PDC: variants seen among roughly 807,000 people sequenced by gnomAD.
PDC encodes the protein 33 kDa phototransducing protein.
Under a neutral mutation model 22.2 loss-of-function variants are expected in PDC, and 19 were observed. The ratio of observed to expected loss-of-function variants is 0.86; its 90% CI spans 0.60 to 1.26. The LOEUF (loss-of-function observed/expected upper bound fraction) is 1.26. Ranked by LOEUF, PDC falls within the 50% of genes most tolerant of loss-of-function variation. The pLI, the probability that PDC is intolerant of heterozygous loss-of-function variation, is 0.00. For synonymous variants in PDC, 97 were observed against 96.2 expected (o/e 1.01, Z -0.05); for missense variants, 274 against 286.8 (o/e 0.96, Z 0.32).
intron 1 of PDC, among the ~76,000 whole-genome samples, chr1:186,456,654 A>C (rs10911866): frequency 0.2 from 31,112 of 152,100 alleles, 4,586 homozygotes; most frequent in African/African-American, 0.42. Flanking sequence ...AATAAACAAT[A>C]TTTTTTCTTT....
chr1:186,444,048 A>G lies in PDC; in HGVS notation c.672T>C (p.Tyr224=). ...AGDVESFLNE[Y]GLLPEREVHV... ...GTACCTCTCTTTCAGGTAGTAACCCATATTCATTTAGGAAAGACTCCACAT... is the reference window on the plus strand; with the variant it reads ...GTACCTCTCTTTCAGGTAGTAACCCGTATTCATTTAGGAAAGACTCCACAT... Residue 224 remains tyrosine, a synonymous_variant, in exon 4 of 4, where the codon TAT becomes TAC. Transcript: ENST00000391997. 8.1e-6 allele frequency: 13 copies of G among 1,612,514 alleles called. No homozygotes were observed. The highest frequency in any genetic ancestry group is 1.1e-5 in the Non-Finnish European group (13 of 1,178,544).
At position 186,444,483 on chromosome 1, in the gene PDC, T is replaced by C; in HGVS notation, c.237A>G (p.Leu79=). 1 of 1,599,832 alleles carries C rather than the reference T, an allele frequency of 6.3e-7. No individual in the cohort carries two copies. The highest frequency in any genetic ancestry group is 8.6e-7 in the Non-Finnish European group (1 of 1,168,780). Residue 79 remains leucine, a synonymous_variant, in exon 4 of 4, where the codon CTA becomes CTG. Transcript: ENST00000391997. ...SRKMSIQEYE[L]IHKEKEDENC... ...TTTCATCCTCTTTCTCTTTATGGAT[T>C]AGTTCATATTCTTGAATGCTCATCT...
intron 1 of PDC, among the ~76,000 whole-genome samples, chr1:186,460,541 A>C (rs912619968): frequency 6.6e-6 from 1 of 152,228 alleles, no homozygotes; most frequent in African/African-American, 2.4e-5. Context: ...TTTATAAATT[A>C]AACTTTATCA....
rs149357645 is a variant in PDC, at chr1:186,454,280, G to C, written c.-24-4797C>G. On this transcript the variant is annotated intron_variant, in intron 1 of 3. Coordinates refer to ENST00000391997, the MANE Select transcript of PDC (RefSeq NM_002597.5). ...TTCTGCCTCCCGGGTCCCTGTTCAA[G>C]CAATTCTCCTGCCTCAGCCTCCCAA... is the stretch of plus-strand genomic sequence containing the variant. Among the ~76,000 whole-genome samples the C allele has an allele frequency of 6.0e-3, 878 of 146,284 alleles. 6 individuals are homozygous for C. The highest frequency in any genetic ancestry group is 0.021 in the African/African-American group (830 of 39,474).
At chr1:186,459,138 G>A (rs1165963350) in intron 1 of PDC, among the ~76,000 whole-genome samples, 2 of 152,088 alleles carry the variant, frequency 1.3e-5, no homozygotes, top group African/African-American at 4.8e-5. Context: ...CTCCAGCCTG[G>A]GGGACAGAAT....
At chr1:186,460,991 T>C (rs1252821872) in intron 1 of PDC, 68 bp downstream of exon 1, 1 of 154,684 alleles carries the variant, frequency 6.5e-6, no homozygotes, top group Non-Finnish European at 1.5e-5. Flanking sequence ...AAACAGTGAA[T>C]CACCATTCTT....
In PDC at chr1:186,449,476, GATATAATCT is replaced by G. The variant is rs756049792; in HGVS notation, c.-24-2_-18del. 24 of 1,528,406 alleles carry G rather than the reference GATATAATCT, an allele frequency of 1.6e-5. No individual in the cohort carries two copies. The highest frequency in any genetic ancestry group is 2.2e-5 in the Non-Finnish European group (24 of 1,106,246). 94.7% of individuals were successfully genotyped at this position (1,528,406 alleles called of 1,614,324 possible). On this transcript the variant is annotated splice_acceptor_variant and 5_prime_UTR_variant, in exon 2 of 4. Transcript: ENST00000391997. LOFTEE classifies it low-confidence loss of function (5UTR_SPLICE). ...TTCTTCCATTTTAGGGACTGGATTTGATATAATCTATAGGAGGAACAAAGAAATAATAAT... is the reference window on the plus strand; with the variant it reads ...TTCTTCCATTTTAGGGACTGGATTTGATAGGAGGAACAAAGAAATAATAAT...
At chr1:186,459,112 A>G (rs190503341) in intron 1 of PDC, among the ~76,000 whole-genome samples, 1 of 152,316 alleles carries the variant, frequency 6.6e-6, no homozygotes, top group African/African-American at 2.4e-5. Context: ...CAGTGAGCCG[A>G]CATCTCGCCA....
At chr1:186,457,390 G>A (rs971252465) in intron 1 of PDC, among the ~76,000 whole-genome samples, 1 of 152,056 alleles carries the variant, frequency 6.6e-6, no homozygotes, top group African/African-American at 2.4e-5. Context: ...GGGATTTTAT[G>A]CCTCATAACA....
chr1:186,449,915 CTA>C (rs1293486215), intron 1 of PDC, among the ~76,000 whole-genome samples: 1 of 152,012 alleles, frequency 6.6e-6, no homozygotes, highest in Non-Finnish European at 1.5e-5. Context: ...GCTATGAACA[CTA>C]TGTGTCAGGC....
intron 1 of PDC, among the ~76,000 whole-genome samples, chr1:186,450,480 A>C (rs1662330519): frequency 6.6e-6 from 1 of 151,948 alleles, no homozygotes; most frequent in African/African-American, 2.4e-5. Flanking sequence ...CGGGGACTAC[A>C]GGTGTGTGTT....
At chr1:186,448,190 A>G (rs543657557) in intron 2 of PDC, among the ~76,000 whole-genome samples, 2 of 152,318 alleles carry the variant, frequency 1.3e-5, no homozygotes, top group South Asian at 2.1e-4. Context: ...GTCAAAGGGC[A>G]TATACATTAC....
At chr1:186,454,054 C>T (rs1443635925) in intron 1 of PDC, among the ~76,000 whole-genome samples, 2 of 151,930 alleles carry the variant, frequency 1.3e-5, no homozygotes, top group African/African-American at 2.4e-5. Context: ...ATCACCATGT[C>T]TCTAAATTCC....
chr1:186,446,176 T>C (rs1211472262), intron 3 of PDC, among the ~76,000 whole-genome samples: 1 of 152,258 alleles, frequency 6.6e-6, no homozygotes, highest in African/African-American at 2.4e-5. Context: ...ATTCTCTGTA[T>C]GTTGCTTTCT....
At chr1:186,447,485 G>C (rs991972755) in intron 2 of PDC, among the ~76,000 whole-genome samples, 8 of 152,080 alleles carry the variant, frequency 5.3e-5, no homozygotes, top group Admixed American at 2.6e-4. Flanking sequence ...TTAAATGAAG[G>C]ATGATTCAAC....
rs1662419813 is a variant in PDC, at chr1:186,454,583, TATC to T, written c.-24-5103_-24-5101del. Among the ~76,000 whole-genome samples, 4 of 152,340 alleles carry T rather than the reference TATC, an allele frequency of 2.6e-5. No homozygotes were observed. The South Asian group carries it at 8.3e-4, about 32-fold the overall frequency. On this transcript the variant is annotated intron_variant, in intron 1 of 3. Transcript: ENST00000391997. The stretch of plus-strand genomic sequence containing the variant: ...CAATCATATGAATTCACTGAGAACT[TATC>T]ATCAGTCCTGCATCTCTAGGTCATT...
chr1:186,444,624 T>C (rs1312702329), intron 3 of PDC, 118 bp from the exon 4 acceptor site: 1 of 627,810 alleles, frequency 1.6e-6, no homozygotes, highest in African/African-American at 1.8e-5. Flanking sequence ...CTGGACCACC[T>C]ACCTTTCACT....
chr1:186,447,687 C>T lies in PDC; in HGVS notation c.62-1110G>A, dbSNP rs566329785. Among the ~76,000 whole-genome samples the T allele has an allele frequency of 1.6e-4, 25 of 151,710 alleles. No homozygotes were observed. In the South Asian group the frequency reaches 4.8e-3, roughly 29 times the overall value. On this transcript the variant is annotated intron_variant, in intron 2 of 3. Transcript: ENST00000391997. ...ATTCCTTCTTTCTCCTCTATATTGC[C>T]TAATAATTTTTGTTTTATATATGAT...
intron 1 of PDC, among the ~76,000 whole-genome samples, chr1:186,457,742 A>C (rs1406485411): frequency 6.6e-6 from 1 of 152,214 alleles, no homozygotes; most frequent in Non-Finnish European, 1.5e-5. Flanking sequence ...AATACAGGAC[A>C]CATGGTCCTC....
Sources: allele counts gnomAD v4.1 joint callset (sites outside exome capture counted in the v4.1 genomes callset), GRCh38; gene constraint gnomAD v4.1.1; transcripts MANE v1.5; gene names NCBI Gene and HGNC (gene_info 2026-07-23, HGNC 2026-07-21).